Variants in TSHZ1 observed in about 807,000 individuals in gnomAD.
TSHZ1 encodes the protein teashirt homolog 1.
A neutral mutation model predicts 67.1 loss-of-function variants in TSHZ1; 12 were observed. The ratio of observed to expected loss-of-function variants is 0.18; its 90% CI spans 0.11 to 0.29. The LOEUF (loss-of-function observed/expected upper bound fraction) is 0.29, where lower values mean the gene tolerates loss of function less well. TSHZ1 is among the 10% of genes least tolerant of loss of function. The pLI is 1.00. For missense variants in TSHZ1, 1,305 were observed against 1,413.9 expected (o/e 0.92, Z 1.23); for synonymous variants, 632 against 622.4 (o/e 1.02, Z -0.23).
At chr18:75,232,386 A>C (rs1396612872) in intron 1 of TSHZ1, among the ~76,000 whole-genome samples, 3 of 152,158 alleles carry the variant, frequency 2.0e-5, no homozygotes, top group Non-Finnish European at 4.4e-5. Flanking sequence ...TGATAGTTTC[A>C]ATGGACTTGA....
At chr18:75,275,203 G>C (rs1035264103) in intron 1 of TSHZ1, among the ~76,000 whole-genome samples, 1 of 152,160 alleles carries the variant, frequency 6.6e-6, no homozygotes, top group Non-Finnish European at 1.5e-5. Flanking sequence ...TTTTAAAATG[G>C]AGACATATTC....
chr18:75,267,565 G>C (rs1882203080), intron 1 of TSHZ1, among the ~76,000 whole-genome samples: 1 of 152,250 alleles, frequency 6.6e-6, no homozygotes, highest in Non-Finnish European at 1.5e-5. Context: ...TAGGAGGAGA[G>C]AGGATAAAGG....
chr18:75,237,282 G>A (rs144680601), intron 1 of TSHZ1, among the ~76,000 whole-genome samples: 1,640 of 152,276 alleles, frequency 0.011, 21 homozygotes, highest in African/African-American at 0.036. Context: ...AGCATTTTGG[G>A]AGGCAGAGGT....
chr18:75,285,186 C>G (rs1415495604), intron 1 of TSHZ1: 2 of 305,084 alleles, frequency 6.6e-6, no homozygotes, highest in Non-Finnish European at 1.2e-5. Flanking sequence ...CACCAGGCTG[C>G]AAGGGTCAAA....
chr18:75,225,644 C>G (rs115919787), intron 1 of TSHZ1, among the ~76,000 whole-genome samples: 1 of 152,024 alleles, frequency 6.6e-6, no homozygotes, highest in Non-Finnish European at 1.5e-5. Flanking sequence ...CTCCACATTC[C>G]GAGCCTGAAG....
rs898425126 is a variant in TSHZ1, at chr18:75,287,857, A to G, written c.2450A>G (p.Asn817Ser). The change falls in exon 2 of 2, where the codon AAC becomes AGC. Residue 817 changes from asparagine to serine, a missense_variant. Transcript: ENST00000580243. The surrounding 1 kb of genome is among the most constrained non-coding windows in gnomAD (Gnocchi z 5.0). ...DQPIDLTKSK[N>S]KPLVSSVADS... ...CCCATTGACTTAACCAAGTCCAAGA[A>G]CAAGCCGCTGGTGTCCAGCGTGGCT... The G allele has an allele frequency of 2.5e-6, 4 of 1,614,184 alleles. No individual in the cohort carries two copies. Among genetic ancestry groups the G allele is most frequent in the Non-Finnish European group, 3.4e-6 (4 of 1,180,052 alleles).
chr18:75,257,199 T>G (rs1034295944), intron 1 of TSHZ1, among the ~76,000 whole-genome samples: 7 of 152,174 alleles, frequency 4.6e-5, no homozygotes, highest in African/African-American at 1.7e-4. Context: ...CCTCCTTCAT[T>G]GAGAGATTAT....
At chr18:75,233,134 CTG>C (rs1393514005) in intron 1 of TSHZ1, among the ~76,000 whole-genome samples, 11 of 152,328 alleles carry the variant, frequency 7.2e-5, no homozygotes, top group Middle Eastern at 3.4e-3. Flanking sequence ...TCATAGTTTT[CTG>C]TGTCGTAGGA....
chr18:75,287,671 C>A lies in TSHZ1; in HGVS notation c.2264C>A (p.Thr755Asn), dbSNP rs886054116. Residue 755 changes from threonine to asparagine, a missense_variant, in exon 2 of 2, where the codon ACC (threonine) becomes AAC (asparagine). Around this residue, in one of 3 missense-constraint regions of TSHZ1, gnomAD observed 909 missense variants for 961.8 expected, o/e 0.95. Coordinates refer to ENST00000580243, the MANE Select transcript of TSHZ1 (RefSeq NM_001308210.2). The surrounding 1 kb of genome is among the most constrained non-coding windows in gnomAD (Gnocchi z 5.0). ...PLSALQSIMNTHLGKVSKPVS... is the reference protein window; with the variant it reads ...PLSALQSIMNNHLGKVSKPVS... ...AGCGCTTTGCAGTCCATCATGAACA[C>A]CCACCTGGGCAAGGTGTCCAAGCCC... The A allele has an allele frequency of 1.2e-6, 2 of 1,614,216 alleles. No individual in the cohort carries two copies. Among genetic ancestry groups the A allele is most frequent in the Non-Finnish European group, 8.5e-7 (1 of 1,180,046 alleles).
chr18:75,278,573 T>C (rs977894131), intron 1 of TSHZ1, among the ~76,000 whole-genome samples: 4 of 151,984 alleles, frequency 2.6e-5, no homozygotes, highest in Non-Finnish European at 5.9e-5. Context: ...CGGGCCCTTG[T>C]TGGGGGCCTG....
At chr18:75,257,941 G>A (rs1333493052) in intron 1 of TSHZ1, among the ~76,000 whole-genome samples, 19 of 152,174 alleles carry the variant, frequency 1.2e-4, no homozygotes, top group Admixed American at 1.2e-3. Context: ...CTGCACACGG[G>A]GCTGTGGACG....
chr18:75,286,904 G>T lies in TSHZ1; in HGVS notation c.1497G>T (p.Lys499Asn). ...SPAGSTTSEE[K>N]KEPEKEKPPV... ...CGGGGTCCACGACTTCTGAAGAAAA[G>T]AAAGAGCCAGAGAAGGAGAAGCCGC... is the stretch of plus-strand genomic sequence containing the variant. The change falls in exon 2 of 2, where the codon AAG becomes AAT. Residue 499 changes from lysine to asparagine, a missense_variant. By Grantham distance (94) the Lys-to-Asn change is moderately conservative. This residue lies in a region of TSHZ1 where 909 missense variants were observed against 961.8 expected (regional missense o/e 0.95). Transcript: ENST00000580243. The surrounding 1 kb of genome is among the most constrained non-coding windows in gnomAD (Gnocchi z 5.1). 1 of 1,614,182 alleles carries T rather than the reference G, an allele frequency of 6.2e-7. No individual in the cohort carries two copies.
Position 75,285,720 on chromosome 18 carries a change from A to G in TSHZ1, c.313A>G (p.Ser105Gly). 6.2e-7 allele frequency: 1 copy of G among 1,614,116 alleles called. No individual in the cohort carries two copies. Among genetic ancestry groups the G allele is most frequent in the Non-Finnish European group, 8.5e-7 (1 of 1,179,990 alleles). ...EEKEDPQCPD[S>G]VSYPQDSLAQ... ...GAAGGAGGATCCGCAGTGTCCCGAC[A>G]GCGTCTCGTACCCCCAGGACAGCCT... The change falls in exon 2 of 2, where the codon AGC becomes GGC. Residue 105 changes from serine to glycine, a missense_variant. Around this residue, in one of 3 missense-constraint regions of TSHZ1, gnomAD observed 358 missense variants for 375.6 expected, o/e 0.95. Coordinates refer to ENST00000580243, the MANE Select transcript of TSHZ1 (RefSeq NM_001308210.2).
chr18:75,251,340 G>T (rs1429247355), intron 1 of TSHZ1, among the ~76,000 whole-genome samples: 2 of 151,872 alleles, frequency 1.3e-5, no homozygotes, highest in African/African-American at 2.4e-5. Flanking sequence ...TTCTTTCAGG[G>T]TCTTTTTCTT....
At chr18:75,285,420 C>T in intron 1 of TSHZ1, 28 bp from the exon 2 acceptor site, 1 of 1,430,612 alleles carries the variant, frequency 7.0e-7, no homozygotes, top group Non-Finnish European at 9.2e-7. Flanking sequence ...TTTACTTCTT[C>T]TAACTGGGTT....
At chr18:75,224,061 TAA>T (rs11347694) in intron 1 of TSHZ1, among the ~76,000 whole-genome samples, 8,685 of 117,932 alleles carry the variant, frequency 0.074, 381 homozygotes, top group African/African-American at 0.14. Flanking sequence ...TTTAAACTTG[TAA>T]AAAAAAAAAA....
intron 1 of TSHZ1, among the ~76,000 whole-genome samples, chr18:75,266,190 C>T (rs1239283797): frequency 6.6e-6 from 1 of 152,182 alleles, no homozygotes; most frequent in Non-Finnish European, 1.5e-5. Flanking sequence ...ACTTGCAGCC[C>T]GGTGCTAGGG....
chr18:75,221,094 G>A (rs1476395168), intron 1 of TSHZ1: 1 of 152,132 alleles, frequency 6.6e-6, no homozygotes, highest in Non-Finnish European at 1.5e-5. Context: ...AATCGGATGT[G>A]CACTTCCAAA....
At chr18:75,275,574 C>T (rs968500796) in intron 1 of TSHZ1, among the ~76,000 whole-genome samples, 3 of 152,132 alleles carry the variant, frequency 2.0e-5, no homozygotes, top group Admixed American at 6.5e-5. Flanking sequence ...CTCATTGGGG[C>T]GAGCCCTACC....
Sources: gnomAD v4.1 joint callset for allele counts (sites outside exome capture counted in the v4.1 genomes callset) on GRCh38, gnomAD v4.1.1 for gene constraint, gnomAD v4.1.1 regional missense constraint, Gnocchi (gnomAD v3.1) non-coding constraint, MANE v1.5 for transcripts, NCBI Gene and HGNC (gene_info 2026-07-23, HGNC 2026-07-21) for gene names.